The following DTWD2 variants were observed in gnomAD, a reference collection of about 807,000 sequenced individuals.
DTWD2 encodes DTW motif tRNA-uridine aminocarboxypropyltransferase 2.
DTWD2 carries 39 observed loss-of-function variants against 31.8 expected under a neutral mutation model. That is an observed-to-expected ratio of 1.22 (90% CI 0.95 to 1.60). DTWD2 has a LOEUF of 1.60. Ranked by LOEUF, DTWD2 falls within the 40% of genes most tolerant of loss-of-function variation. The probability of loss-of-function intolerance (pLI) is 0.00; values close to 1 mark genes in which losing one functional copy is unlikely to be tolerated. For missense variants in DTWD2, 515 were observed against 381.5 expected (o/e 1.35, Z -2.92); for synonymous variants, 180 against 142.8 (o/e 1.26, Z -1.86).
intron 1 of DTWD2, among the ~76,000 whole-genome samples, chr5:118,955,420 G>C (rs1347713252): frequency 7.2e-5 from 11 of 152,030 alleles, no homozygotes; most frequent in Non-Finnish European, 2.9e-5. Flanking sequence ...TAAACTAGTG[G>C]GTAAGTGCAG....
chr5:118,871,415 A>G (rs1192819684), intron 4 of DTWD2, among the ~76,000 whole-genome samples: 2 of 152,212 alleles, frequency 1.3e-5, no homozygotes, highest in Non-Finnish European at 2.9e-5. Context: ...TTCCAGATCC[A>G]TCAGAGGAAT....
At chr5:118,985,409 A>G (rs374433445) in intron 1 of DTWD2, among the ~76,000 whole-genome samples, 91 of 150,282 alleles carry the variant, frequency 6.1e-4, no homozygotes, top group African/African-American at 1.8e-3. Context: ...TGTTCCTATA[A>G]CACCTTACAT....
chr5:118,887,189 G>T (rs913933950), intron 4 of DTWD2, among the ~76,000 whole-genome samples: 2 of 152,094 alleles, frequency 1.3e-5, no homozygotes, highest in African/African-American at 4.8e-5. Context: ...TAACTTGCTA[G>T]GGGGTCTTTT....
chr5:118,918,437 G>A (rs1170609730), intron 4 of DTWD2, among the ~76,000 whole-genome samples: 3 of 150,144 alleles, frequency 2.0e-5, no homozygotes, highest in Admixed American at 2.0e-4. Context: ...ACTAGAGTGA[G>A]TGACAAGTTA....
At chr5:118,844,202 T>C (rs909062684) in intron 5 of DTWD2, among the ~76,000 whole-genome samples, 3 of 152,238 alleles carry the variant, frequency 2.0e-5, no homozygotes, top group African/African-American at 7.2e-5. Context: ...TTTTGCTGCA[T>C]GTGAAAAGTG....
At chr5:118,870,518 A>G (rs1392852191) in intron 4 of DTWD2, among the ~76,000 whole-genome samples, 1 of 152,240 alleles carries the variant, frequency 6.6e-6, no homozygotes, top group Non-Finnish European at 1.5e-5. Context: ...AGCACATATA[A>G]AAGTTTTGCA....
chr5:118,978,633 A>C (rs1755220294), intron 1 of DTWD2, among the ~76,000 whole-genome samples: 1 of 152,236 alleles, frequency 6.6e-6, no homozygotes, highest in Admixed American at 6.5e-5. Context: ...AAAAAAGCTC[A>C]ACATCACTGA....
chr5:118,911,319 CA>C (rs1207911348), intron 4 of DTWD2, among the ~76,000 whole-genome samples: 2 of 152,206 alleles, frequency 1.3e-5, no homozygotes, highest in African/African-American at 4.8e-5. Context: ...TATCACCTTA[CA>C]TCTGTTAGAA....
intron 4 of DTWD2, among the ~76,000 whole-genome samples, chr5:118,907,780 A>G (rs1753367816): frequency 6.6e-6 from 1 of 151,518 alleles, no homozygotes; most frequent in South Asian, 2.1e-4. Context: ...GCACAGATGA[A>G]GTCCAAAGGC....
At chr5:118,904,536 T>C (rs761272142) in intron 4 of DTWD2, among the ~76,000 whole-genome samples, 15 of 152,124 alleles carry the variant, frequency 9.9e-5, no homozygotes, top group Admixed American at 4.6e-4. Flanking sequence ...CGACTGACAT[T>C]AAGGTTTCTG....
At chr5:118,919,651 G>T (rs1301921229) in intron 4 of DTWD2, among the ~76,000 whole-genome samples, 1 of 152,096 alleles carries the variant, frequency 6.6e-6, no homozygotes, top group African/African-American at 2.4e-5. Context: ...CATATATAAG[G>T]TTCATAACAA....
chr5:118,959,267 AT>A (rs1003335878), intron 1 of DTWD2, among the ~76,000 whole-genome samples: 3 of 152,200 alleles, frequency 2.0e-5, no homozygotes, highest in African/African-American at 7.2e-5. Context: ...TACAAAATCA[AT>A]GTAAAAAAAA....
At chr5:118,885,396 G>A (rs1412216121) in intron 4 of DTWD2, among the ~76,000 whole-genome samples, 13 of 145,340 alleles carry the variant, frequency 8.9e-5, no homozygotes, top group East Asian at 2.0e-4. Flanking sequence ...AGGTAGCAGC[G>A]AGCCGAGATC....
chr5:118,973,730 C>T (rs1226312367), intron 1 of DTWD2: 20 of 1,577,588 alleles, frequency 1.3e-5, no homozygotes, highest in Admixed American at 3.4e-5. Flanking sequence ...GCAGCTTTAT[C>T]GCCAGAGTCC....
At chr5:118,976,664 C>CAAGTT (rs1755168298) in intron 1 of DTWD2, among the ~76,000 whole-genome samples, 2 of 152,176 alleles carry the variant, frequency 1.3e-5, no homozygotes, top group African/African-American at 4.8e-5. Context: ...CCTGAATAGA[C>CAAGTT]CGATAACAAG....
intron 1 of DTWD2, among the ~76,000 whole-genome samples, chr5:118,984,739 T>C (rs778720740): frequency 1.3e-5 from 2 of 152,192 alleles, no homozygotes; most frequent in Non-Finnish European, 2.9e-5. Flanking sequence ...TTTTAAAACA[T>C]GCTGTTTTTA....
intron 2 of DTWD2, 129 bp downstream of exon 2, chr5:118,944,430 G>A (rs373390682): frequency 1.1e-6 from 1 of 915,596 alleles, no homozygotes; most frequent in Non-Finnish European, 1.7e-6. Context: ...TTTTCCAAAA[G>A]AGAAAGCATT....
chr5:118,900,280 G>A lies in DTWD2; in HGVS notation c.597+28257C>T, dbSNP rs190283933. ...GGGTTATTACAGACAGTGTTAATAC[G>A]AATAGTGTTAATAACTTGCTAGCTT... On this transcript the variant is annotated intron_variant, in intron 4 of 5. Coordinates refer to ENST00000510708, the MANE Select transcript of DTWD2 (RefSeq NM_173666.4). Among the ~76,000 whole-genome samples, 241 of 152,204 alleles carry A rather than the reference G, an allele frequency of 1.6e-3. 1 individual carries two copies. Among genetic ancestry groups the A allele is most frequent in the African/African-American group, 5.5e-3 (227 of 41,538 alleles).
chr5:118,968,196 T>TG lies in DTWD2; in HGVS notation c.218+20097dup, dbSNP rs1754897326. Among the ~76,000 whole-genome samples, 3 of 139,958 alleles carry TG rather than the reference T, an allele frequency of 2.1e-5. No individual in the cohort carries two copies. The South Asian group carries it at 6.8e-4, about 32-fold the overall frequency. The allele number at this position is 139,958 out of a possible 152,430, so 91.8% of individuals were successfully genotyped here. A position where few individuals can be genotyped will look rare whatever the true frequency, so the allele number is the denominator to read the frequency against. On this transcript the variant is annotated intron_variant, in intron 1 of 5. Coordinates refer to ENST00000510708, the MANE Select transcript of DTWD2 (RefSeq NM_173666.4). ...GTATTCTTCAAAAGTAACAAAATCG[T>TG]GAAAAAAAAAAAAAGAAAAACCTAA...
Sources: allele counts gnomAD v4.1 joint callset (sites outside exome capture counted in the v4.1 genomes callset), GRCh38; gene constraint gnomAD v4.1.1; transcripts MANE v1.5; gene names NCBI Gene and HGNC (gene_info 2026-07-23, HGNC 2026-07-21).